Variants in DLG1 observed in about 807,000 individuals in gnomAD.
The protein encoded by DLG1 is disks large homolog 1.
A neutral mutation model predicts 123.4 loss-of-function variants in DLG1; 42 were observed. That is an observed-to-expected ratio of 0.34 (90% CI 0.27 to 0.44). The LOEUF (loss-of-function observed/expected upper bound fraction) is 0.44. DLG1 is among the 20% of genes least tolerant of loss of function. The probability of loss-of-function intolerance (pLI) is 1.00; values close to 1 mark genes in which losing one functional copy is unlikely to be tolerated. For synonymous variants in DLG1, 317 were observed against 356.2 expected (o/e 0.89, Z 1.24); for missense variants, 942 against 1,082.6 (o/e 0.87, Z 1.82).
chr3:197,169,667 G>C (rs184633951), intron 5 of DLG1, among the ~76,000 whole-genome samples: 29 of 152,272 alleles, frequency 1.9e-4, no homozygotes, highest in Admixed American at 5.2e-4. Flanking sequence ...CTATCTGATA[G>C]CTAATAATGC....
At chr3:197,112,876 AAG>A (rs1482707448) in intron 13 of DLG1, among the ~76,000 whole-genome samples, 1 of 152,194 alleles carries the variant, frequency 6.6e-6, no homozygotes, top group Non-Finnish European at 1.5e-5. Flanking sequence ...GATTATAAGC[AAG>A]AGTCACGTCA....
Position 197,207,709 on chromosome 3 carries a change from T to C in DLG1, c.319-13120A>G, listed in dbSNP as rs915671366. Among the ~76,000 whole-genome samples, 11 of 147,746 alleles carry C rather than the reference T, an allele frequency of 7.4e-5. 1 individual carries two copies. The highest frequency in any genetic ancestry group is 2.0e-4 in the Admixed American group (3 of 14,784). On this transcript the variant is annotated intron_variant, in intron 4 of 24. Transcript: ENST00000667157. Reference sequence around the variant, plus strand: ...ACAAAGATGAAAATCGGCATATAAATAGAAATTTGGTACTATTTTTAATAA... The same window carrying C: ...ACAAAGATGAAAATCGGCATATAAACAGAAATTTGGTACTATTTTTAATAA...
intron 18 of DLG1, chr3:197,070,266 C>T (rs1407748197): frequency 3.5e-5 from 5 of 144,462 alleles, no homozygotes; most frequent in Admixed American, 2.1e-4. Flanking sequence ...ATTAAAGGGA[C>T]AGGGCCTCAC....
rs1792576190 is a variant in DLG1, at chr3:197,149,054, G to A, written c.537+689C>T. On this transcript the variant is annotated intron_variant, in intron 6 of 24. Coordinates refer to ENST00000667157, the MANE Select transcript of DLG1 (RefSeq NM_001366207.1). ...CTTTTTTACCTTAACAAATTATGTTGAGATATTCACATATCATAAAATCTA... is the reference window on the plus strand; with the variant it reads ...CTTTTTTACCTTAACAAATTATGTTAAGATATTCACATATCATAAAATCTA... 1.3e-5 allele frequency among the ~76,000 whole-genome samples: 2 copies of A among 152,006 alleles called. 1 individual carries two copies. The highest frequency in any genetic ancestry group is 4.1e-4 in the South Asian group (2 of 4,824).
At chr3:197,052,322 G>GCA (rs1728402759) in intron 23 of DLG1, among the ~76,000 whole-genome samples, 1 of 151,868 alleles carries the variant, frequency 6.6e-6, no homozygotes, top group Non-Finnish European at 1.5e-5. Flanking sequence ...GGGTGTGGTG[G>GCA]CGCATGCCTG....
chr3:197,232,167 C>T (rs1743502529), intron 4 of DLG1, among the ~76,000 whole-genome samples: 1 of 152,076 alleles, frequency 6.6e-6, no homozygotes, highest in South Asian at 2.1e-4. Flanking sequence ...TGCCACTCTA[C>T]TCTGAGTGGC....
chr3:197,206,731 T>G lies in DLG1; in HGVS notation c.319-12142A>C, dbSNP rs562608615. On this transcript the variant is annotated intron_variant, in intron 4 of 24. Transcript: ENST00000667157. Reference sequence around the variant, plus strand: ...TTTCAGGAGATACAAGAAAAAAAACTATGAGATAAAAAAATTAGAAGGACA... The same window carrying G: ...TTTCAGGAGATACAAGAAAAAAAACGATGAGATAAAAAAATTAGAAGGACA... Among the ~76,000 whole-genome samples, 9 of 152,008 alleles carry G rather than the reference T, an allele frequency of 5.9e-5. No homozygotes were observed. In the South Asian group the frequency reaches 1.7e-3, roughly 28 times the overall value.
intron 3 of DLG1, among the ~76,000 whole-genome samples, chr3:197,287,238 A>G (rs1251879189): frequency 6.6e-6 from 1 of 152,168 alleles, no homozygotes; most frequent in Admixed American, 6.5e-5. Context: ...ATTCTTCTGT[A>G]AATTCAAAAC....
intron 4 of DLG1, among the ~76,000 whole-genome samples, chr3:197,199,193 G>C (rs1412963700): frequency 2.0e-5 from 3 of 152,130 alleles, no homozygotes; most frequent in Non-Finnish European, 4.4e-5. Flanking sequence ...AAGTTTCTGA[G>C]TTCCCTTATA....
chr3:197,117,563 G>C (rs1186822092), intron 12 of DLG1, among the ~76,000 whole-genome samples: 2 of 152,102 alleles, frequency 1.3e-5, no homozygotes, highest in African/African-American at 2.4e-5. Flanking sequence ...AAGTGAAATA[G>C]GCCAGTCACA....
chr3:197,158,780 G>C (rs1391031999), intron 5 of DLG1, among the ~76,000 whole-genome samples: 1 of 152,134 alleles, frequency 6.6e-6, no homozygotes, highest in Admixed American at 6.5e-5. Context: ...CTAGAGGACA[G>C]AGACGATGTT....
At chr3:197,234,400 T>A (rs1320467577) in intron 4 of DLG1, among the ~76,000 whole-genome samples, 1 of 152,174 alleles carries the variant, frequency 6.6e-6, no homozygotes, top group African/African-American at 2.4e-5. Flanking sequence ...CCAAAAAGTA[T>A]AATGGATGAA....
intron 24 of DLG1, among the ~76,000 whole-genome samples, chr3:197,049,546 A>G (rs1560303142): frequency 1.3e-5 from 2 of 151,978 alleles, no homozygotes; most frequent in African/African-American, 4.8e-5. Flanking sequence ...CCTGAGGTCA[A>G]GAGTTCGACT....
chr3:197,191,336 T>G (rs1719418291), intron 5 of DLG1, among the ~76,000 whole-genome samples: 1 of 152,198 alleles, frequency 6.6e-6, no homozygotes, highest in Admixed American at 6.5e-5. Flanking sequence ...TCTGGAACAT[T>G]GTTTTATCTG....
chr3:197,231,637 T>A (rs1412184953), intron 4 of DLG1, among the ~76,000 whole-genome samples: 1 of 150,618 alleles, frequency 6.6e-6, no homozygotes, highest in East Asian at 1.9e-4. Context: ...GAGGTGAAGG[T>A]TGCAGTGAGT....
chr3:197,054,285 C>A (rs116714989), intron 23 of DLG1, among the ~76,000 whole-genome samples: 3,652 of 151,894 alleles, frequency 0.024, 50 homozygotes, highest in African/African-American at 0.033. Flanking sequence ...TCTTTCATCA[C>A]ATTTGGGATG....
intron 5 of DLG1, among the ~76,000 whole-genome samples, chr3:197,189,992 A>C (rs1718400124): frequency 6.6e-6 from 1 of 152,266 alleles, no homozygotes; most frequent in South Asian, 2.1e-4. Flanking sequence ...TTCTTTAAAA[A>C]GCTGTGAGGG....
intron 10 of DLG1, among the ~76,000 whole-genome samples, chr3:197,132,330 T>G (rs1055186801): frequency 6.6e-6 from 1 of 152,172 alleles, no homozygotes; most frequent in African/African-American, 2.4e-5. Context: ...ATTATCAATG[T>G]TTCCGTTTTA....
intron 4 of DLG1, among the ~76,000 whole-genome samples, chr3:197,272,245 G>T (rs1309234857): frequency 3.3e-5 from 5 of 152,070 alleles, no homozygotes; most frequent in Non-Finnish European, 5.9e-5. Flanking sequence ...TCAGCTACTT[G>T]GGAGGCTGAG....
Sources: allele counts gnomAD v4.1 joint callset (sites outside exome capture counted in the v4.1 genomes callset), GRCh38; gene constraint gnomAD v4.1.1; transcripts MANE v1.5; gene names NCBI Gene and HGNC (gene_info 2026-07-23, HGNC 2026-07-21).